The following RTRAF variants were observed in gnomAD, a reference collection of about 807,000 sequenced individuals.
RTRAF encodes the protein tRNA-splicing ligase complex subunit RTRAF.
In RTRAF, 14 loss-of-function variants were observed where a neutral mutation model predicts 34.4. The observed-to-expected ratio is 0.41, with a 90% CI of 0.27 to 0.64. The LOEUF is 0.64. RTRAF is among the 30% of genes least tolerant of loss of function. The pLI, the probability that RTRAF is intolerant of heterozygous loss-of-function variation, is 0.34. For missense variants in RTRAF, 291 were observed against 288.4 expected, an observed-to-expected ratio of 1.01 and a Z score of -0.06; for synonymous variants, 96 against 95.3, an observed-to-expected ratio of 1.01 and a Z score of -0.04.
chr14:51,991,521 C>A (rs538236457), intron 2 of RTRAF, 80 bp downstream of exon 2: 1 of 1,464,800 alleles, frequency 6.8e-7, no homozygotes, highest in Admixed American at 2.1e-5. Flanking sequence ...TTACTTTCTT[C>A]TTTTAAGAAA....
At chr14:52,002,785 A>G (rs1034815459) in intron 6 of RTRAF, among the ~76,000 whole-genome samples, 3 of 152,062 alleles carry the variant, frequency 2.0e-5, no homozygotes, top group Non-Finnish European at 4.4e-5. Flanking sequence ...CCATCTCCCA[A>G]TGCCTTTTGT....
rs1181715284 is a variant in RTRAF, at chr14:52,008,489, A to C, written c.*3973A>C. ...CACAGAAACTGTGAGACTAAATGTT[A>C]TCTTACACTGCTGAGGGTTTGGGCA... On this transcript the variant is annotated 3_prime_UTR_variant, in exon 8 of 8. Coordinates refer to ENST00000261700, the MANE Select transcript of RTRAF (RefSeq NM_016039.3). 2 of 152,624 alleles carry C rather than the reference A, an allele frequency of 1.3e-5. No homozygotes were observed. Among genetic ancestry groups the C allele is most frequent in the African/African-American group, 4.8e-5 (2 of 41,458 alleles). The allele number at this position is 152,624 out of a possible 1,614,324, so 9.5% of individuals were successfully genotyped here. A position where few individuals can be genotyped will look rare whatever the true frequency, so the allele number is the denominator to read the frequency against.
In RTRAF at chr14:52,007,813, C is replaced by A. The variant is rs1368572613; in HGVS notation, c.*3297C>A. On this transcript the variant is annotated 3_prime_UTR_variant, in exon 8 of 8. Transcript: ENST00000261700. The stretch of plus-strand genomic sequence containing the variant: ...TGCATTCCATCAGTAGTATTACCTG[C>A]ATCTGCCCAGCAGAGCAGTTTAGAG... The A allele has an allele frequency of 6.2e-7, 1 of 1,613,356 alleles. No individual in the cohort carries two copies. The highest frequency in any genetic ancestry group is 1.3e-5 in the African/African-American group (1 of 74,908).
intron 6 of RTRAF, among the ~76,000 whole-genome samples, chr14:52,003,807 G>T (rs1890652484): frequency 8.1e-6 from 1 of 123,068 alleles, no homozygotes; most frequent in African/African-American, 2.5e-5. Context: ...GGAATATAAG[G>T]TACTATTTTT....
Position 51,998,509 on chromosome 14 carries a change from A to T in RTRAF, c.302A>T (p.Asp101Val). ...GTTTTTATAGCTGAAAAATACAAGGATTTAGTACCTGATAATTCAAAAACT... is the reference window on the plus strand; with the variant it reads ...GTTTTTATAGCTGAAAAATACAAGGTTTTAGTACCTGATAATTCAAAAACT... ...EYGDNAEKYK[D>V]LVPDNSKTAD... The change falls in exon 4 of 8, where the codon GAT becomes GTT. Residue 101 changes from aspartate (D) to valine (V), a missense_variant. Coordinates refer to ENST00000261700, the MANE Select transcript of RTRAF (RefSeq NM_016039.3). 6.3e-7 allele frequency: 1 copy of T among 1,577,628 alleles called. No individual in the cohort carries two copies. The highest frequency in any genetic ancestry group is 8.6e-7 in the Non-Finnish European group (1 of 1,161,050).
chr14:52,002,127 A>G (rs1463514790), intron 6 of RTRAF, among the ~76,000 whole-genome samples: 1 of 152,212 alleles, frequency 6.6e-6, no homozygotes, highest in Non-Finnish European at 1.5e-5. Context: ...TCCACAAATC[A>G]TGCTTGTGGC....
intron 3 of RTRAF, among the ~76,000 whole-genome samples, chr14:51,994,471 C>G (rs2140327695): frequency 6.6e-6 from 1 of 152,270 alleles, no homozygotes; most frequent in South Asian, 2.1e-4. Flanking sequence ...CTTGGCTTAT[C>G]CCTTTCCCTT....
chr14:52,005,165 A>G lies in RTRAF; in HGVS notation c.*649A>G, dbSNP rs540816510. On this transcript the variant is annotated 3_prime_UTR_variant, in exon 8 of 8. Transcript: ENST00000261700. ...GCAAAAATCAGGTTTAGAGTCTTAAACTCTAATTCTTAGTTGAATGAATTT... is the reference window on the plus strand; with the variant it reads ...GCAAAAATCAGGTTTAGAGTCTTAAGCTCTAATTCTTAGTTGAATGAATTT... The G allele has an allele frequency of 3.9e-5, 9 of 231,296 alleles. No individual in the cohort carries two copies. In the South Asian group the frequency reaches 1.4e-3, roughly 35 times the overall value. 14.3% of individuals were successfully genotyped at this position (231,296 alleles called of 1,614,324 possible). A position where few individuals can be genotyped will look rare whatever the true frequency, so the allele number is the denominator to read the frequency against.
rs1000056572 is a variant in RTRAF, at chr14:51,992,827, T to C, written c.187-896T>C. Among the ~76,000 whole-genome samples the C allele has an allele frequency of 2.0e-5, 3 of 152,138 alleles. No individual in the cohort carries two copies. In the South Asian group the frequency reaches 6.2e-4, roughly 32 times the overall value. ...GGGTGGATCACCTGAGGTCAGGGGT[T>C]CGAGACCAGCCGGGCCAACGTGGCG... On this transcript the variant is annotated intron_variant, in intron 2 of 7. Transcript: ENST00000261700.
rs956508837 is a variant in RTRAF at position 52,000,726 on chromosome 14, G to A, written c.462+930G>A. ...AGATTGCATGCCAAAAGACAAAAAT[G>A]TTTTTAGTGAAATTTAGCTATTTCA... On this transcript the variant is annotated intron_variant, in intron 5 of 7. Coordinates refer to ENST00000261700, the MANE Select transcript of RTRAF (RefSeq NM_016039.3). Among the ~76,000 whole-genome samples the A allele has an allele frequency of 3.9e-5, 6 of 152,114 alleles. 1 individual carries two copies. The highest frequency in any genetic ancestry group is 3.3e-4 in the Admixed American group (5 of 15,270).
At position 52,006,212 on chromosome 14, in the gene RTRAF, T is replaced by C; in HGVS notation, c.*1696T>C. Reference sequence around the variant, plus strand: ...AACTTAAGCCCTGTAATATAGCTCATGGTATCAAGGGTAGTCTTATTCTCT... The same window carrying C: ...AACTTAAGCCCTGTAATATAGCTCACGGTATCAAGGGTAGTCTTATTCTCT... On this transcript the variant is annotated 3_prime_UTR_variant, in exon 8 of 8. Coordinates refer to ENST00000261700, the MANE Select transcript of RTRAF (RefSeq NM_016039.3). 1 of 393,616 alleles carries C rather than the reference T, an allele frequency of 2.5e-6. No homozygotes were observed. Among genetic ancestry groups the C allele is most frequent in the Non-Finnish European group, 4.7e-6 (1 of 211,694 alleles). 24.4% of individuals were successfully genotyped at this position (393,616 alleles called of 1,614,324 possible). A position where few individuals can be genotyped will look rare whatever the true frequency, so the allele number is the denominator to read the frequency against.
chr14:52,000,857 G>T (rs1890591120), intron 5 of RTRAF, among the ~76,000 whole-genome samples: 1 of 152,148 alleles, frequency 6.6e-6, no homozygotes, highest in South Asian at 2.1e-4. Flanking sequence ...GTCAGACAAT[G>T]CATAGCGTAT....
intron 4 of RTRAF, among the ~76,000 whole-genome samples, chr14:51,998,793 T>C (rs1054212327): frequency 6.6e-6 from 1 of 151,964 alleles, no homozygotes; most frequent in African/African-American, 2.4e-5. Flanking sequence ...TTGATTTGAT[T>C]TGCTTCTAGT....
In RTRAF at chr14:52,006,458, C is replaced by T; in HGVS notation, c.*1942C>T. On this transcript the variant is annotated 3_prime_UTR_variant, in exon 8 of 8. Transcript: ENST00000261700. ...AGGGCTTAATGAGTCAAGTCAGGTA[C>T]TGACTTTTGGTAAAACAAGTGGTGT... The T allele has an allele frequency of 1.9e-6, 3 of 1,559,860 alleles. No individual in the cohort carries two copies. Among genetic ancestry groups the T allele is most frequent in the Non-Finnish European group, 2.6e-6 (3 of 1,144,120 alleles).
At position 51,999,663 on chromosome 14, in the gene RTRAF, C is replaced by T. The variant is rs1328116361; in HGVS notation, c.374-45C>T. ...GTTCACAAATATGTTTGTAATTATACGTTTGCAGGGTTGTAAGTTTTTGTT... is the reference window on the plus strand; with the variant it reads ...GTTCACAAATATGTTTGTAATTATATGTTTGCAGGGTTGTAAGTTTTTGTT... On this transcript the variant is annotated intron_variant, in intron 4 of 7. Coordinates refer to ENST00000261700, the MANE Select transcript of RTRAF (RefSeq NM_016039.3). The T allele has an allele frequency of 6.2e-6, 8 of 1,295,678 alleles. No individual in the cohort carries two copies. The African/African-American group carries it at 7.4e-5, about 12-fold the overall frequency. 80.3% of individuals were successfully genotyped at this position (1,295,678 alleles called of 1,614,324 possible). A position where few individuals can be genotyped will look rare whatever the true frequency, so the allele number is the denominator to read the frequency against.
At chr14:52,001,434 T>A (rs1692322908) in intron 5 of RTRAF, among the ~76,000 whole-genome samples, 1 of 152,184 alleles carries the variant, frequency 6.6e-6, no homozygotes, top group Admixed American at 6.5e-5. Context: ...TGCTCGTCAT[T>A]TCGCAGTTTT....
Position 52,004,530 on chromosome 14 carries a change from T to G in RTRAF, c.*14T>G, listed in dbSNP as rs767675829. On this transcript the variant is annotated 3_prime_UTR_variant, in exon 8 of 8. Coordinates refer to ENST00000261700, the MANE Select transcript of RTRAF (RefSeq NM_016039.3). Reference sequence around the variant, plus strand: ...GTTGGAAGATGAACACTTGAGGACTTCAGCTTCTCACCTACTTAGTACAGT... The same window carrying G: ...GTTGGAAGATGAACACTTGAGGACTGCAGCTTCTCACCTACTTAGTACAGT... 5.6e-6 allele frequency: 9 copies of G among 1,606,692 alleles called. No homozygotes were observed. In the South Asian group the frequency reaches 9.9e-5, roughly 18 times the overall value.
chr14:51,995,268 G>C (rs1282163030), intron 3 of RTRAF, among the ~76,000 whole-genome samples: 1 of 151,834 alleles, frequency 6.6e-6, no homozygotes, highest in African/African-American at 2.4e-5. Flanking sequence ...CAGCAAGGCA[G>C]GTTCCTTTTG....
intron 5 of RTRAF, among the ~76,000 whole-genome samples, chr14:52,000,849 C>CA (rs1890590893): frequency 6.6e-6 from 1 of 152,102 alleles, no homozygotes. Context: ...AGAGGAGAGT[C>CA]AGACAATGCA....
Sources: gnomAD v4.1 joint callset for allele counts (sites outside exome capture counted in the v4.1 genomes callset) on GRCh38, gnomAD v4.1.1 for gene constraint, MANE v1.5 for transcripts, NCBI Gene and HGNC (gene_info 2026-07-23, HGNC 2026-07-21) for gene names.